CSMD1: variants seen among roughly 807,000 people sequenced by gnomAD.
CSMD1 encodes the protein CUB and Sushi multiple domains 1, also known as CUB and sushi domain-containing protein 1.
In CSMD1, 213 loss-of-function variants were observed where a neutral mutation model predicts 417.5. The ratio of observed to expected loss-of-function variants is 0.51; its 90% CI spans 0.46 to 0.57. The LOEUF (loss-of-function observed/expected upper bound fraction) is 0.57, where lower values mean the gene tolerates loss of function less well. Ranked by LOEUF, CSMD1 falls within the 20% of genes least tolerant of loss-of-function variation. The pLI is 0.00. For missense variants in CSMD1, 6,923 were observed against 4,529.7 expected, an observed-to-expected ratio of 1.53 and a Z score of -15.17; for synonymous variants, 2,862 against 1,736.8, an observed-to-expected ratio of 1.65 and a Z score of -16.11.
intron 5 of CSMD1, among the ~76,000 whole-genome samples, chr8:3,907,152 T>C (rs533525133): frequency 8.2e-4 from 125 of 152,340 alleles, no homozygotes; most frequent in African/African-American, 2.9e-3. Context: ...TGTTACGTTG[T>C]GTATTACTTT....
chr8:4,068,083 AAAG>A (rs1262720268), intron 3 of CSMD1, among the ~76,000 whole-genome samples: 1 of 152,058 alleles, frequency 6.6e-6, no homozygotes, highest in Non-Finnish European at 1.5e-5. Flanking sequence ...ACGTCTCAAA[AAAG>A]AAAAAAAGAA....
At position 3,394,040 on chromosome 8, in the gene CSMD1, A is replaced by T. The variant is rs1268914342; in HGVS notation, c.2593+2154T>A. Among the ~76,000 whole-genome samples, 10 of 130,470 alleles carry T rather than the reference A, an allele frequency of 7.7e-5. 1 individual carries two copies. Among genetic ancestry groups the T allele is most frequent in the Middle Eastern group, 8.1e-3 (2 of 248 alleles). 85.6% of individuals were successfully genotyped at this position (130,470 alleles called of 152,430 possible). Reference sequence around the variant, plus strand: ...TATATATATATATATATATATATATATATATATATATATATAGAAAAAAAG... The same window carrying T: ...TATATATATATATATATATATATATTTATATATATATATATAGAAAAAAAG... On this transcript the variant is annotated intron_variant, in intron 17 of 69. Coordinates refer to ENST00000635120, the MANE Select transcript of CSMD1 (RefSeq NM_033225.6).
intron 23 of CSMD1, among the ~76,000 whole-genome samples, chr8:3,342,780 T>C (rs769910425): frequency 2.0e-4 from 31 of 152,184 alleles, no homozygotes; most frequent in Non-Finnish European, 3.7e-4. Context: ...GTATTCCTCT[T>C]AGTTCTCTCG....
At chr8:4,667,596 G>C (rs1320785245) in intron 1 of CSMD1, among the ~76,000 whole-genome samples, 1 of 151,958 alleles carries the variant, frequency 6.6e-6, no homozygotes, top group East Asian at 1.9e-4. Context: ...GATTGTCCCT[G>C]AGTACTTTAT....
At chr8:4,135,625 G>A (rs567863330) in intron 3 of CSMD1, among the ~76,000 whole-genome samples, 197 of 152,222 alleles carry the variant, frequency 1.3e-3, no homozygotes, top group African/African-American at 4.5e-3. Flanking sequence ...ACTGTTAATA[G>A]TTCAAAGATG....
intron 1 of CSMD1, among the ~76,000 whole-genome samples, chr8:4,875,142 A>G (rs1376365930): frequency 6.6e-6 from 1 of 151,876 alleles, no homozygotes; most frequent in South Asian, 2.1e-4. Flanking sequence ...ATGGTAAGGT[A>G]GTATGTGCTC....
intron 5 of CSMD1, among the ~76,000 whole-genome samples, chr8:3,881,197 A>G (rs1806181012): frequency 6.6e-6 from 1 of 151,954 alleles, no homozygotes; most frequent in African/African-American, 2.4e-5. Flanking sequence ...TTCTCTACAA[A>G]TGTATTATAT....
chr8:3,674,007 A>C (rs1295990736), intron 7 of CSMD1, among the ~76,000 whole-genome samples: 2 of 152,176 alleles, frequency 1.3e-5, no homozygotes, highest in Non-Finnish European at 1.5e-5. Context: ...GGTCCCAGCC[A>C]CTGTGGGAGA....
intron 5 of CSMD1, among the ~76,000 whole-genome samples, chr8:3,981,792 A>G (rs1813891688): frequency 6.6e-6 from 1 of 152,160 alleles, no homozygotes; most frequent in South Asian, 2.1e-4. Context: ...AAGTCAAGAG[A>G]AGAGGCAGTT....
Position 2,961,147 on chromosome 8 carries a change from G to T in CSMD1, c.9696C>A (p.Gly3232=), listed in dbSNP as rs1187800604. The change falls in exon 62 of 70, where the codon GGC becomes GGA. Residue 3232 remains glycine, a synonymous_variant. Transcript: ENST00000635120. ...PHFGIQNSSR[G]YEVGSTVFFR... ...TAAATTCATAATGAACTACCTCATA[G>T]CCTCTGGAGCTATTCTGTATTCCAA... 1.9e-6 allele frequency: 3 copies of T among 1,576,866 alleles called. No individual in the cohort carries two copies. Among genetic ancestry groups the T allele is most frequent in the Non-Finnish European group, 2.6e-6 (3 of 1,154,654 alleles).
rs575158361 is a variant in CSMD1 at position 4,078,754 on chromosome 8, G to A, written c.416-46655C>T. 8.6e-4 allele frequency among the ~76,000 whole-genome samples: 130 copies of A among 150,350 alleles called. 3 individuals are homozygous for A. Among genetic ancestry groups the A allele is most frequent in the African/African-American group, 3.1e-3 (128 of 40,800 alleles). Reference sequence around the variant, plus strand: ...AGGCAACCCTTGTATTTAAATTTCAGGCCTGGCACACTGGCTTACACCTGT... The same window carrying A: ...AGGCAACCCTTGTATTTAAATTTCAAGCCTGGCACACTGGCTTACACCTGT... On this transcript the variant is annotated intron_variant, in intron 3 of 69. Coordinates refer to ENST00000635120, the MANE Select transcript of CSMD1 (RefSeq NM_033225.6).
chr8:4,868,493 C>T (rs1802546846), intron 1 of CSMD1, among the ~76,000 whole-genome samples: 1 of 151,946 alleles, frequency 6.6e-6, no homozygotes, highest in African/African-American at 2.4e-5. Context: ...GCCTCGGTCT[C>T]CCAAAGTGCT....
chr8:3,794,487 G>C (rs181941049), intron 5 of CSMD1, among the ~76,000 whole-genome samples: 10 of 152,118 alleles, frequency 6.6e-5, no homozygotes, highest in East Asian at 3.9e-4. Context: ...GTTTTTCATA[G>C]CTACTCTCTG....
At chr8:4,146,470 G>C (rs1804132393) in intron 3 of CSMD1, among the ~76,000 whole-genome samples, 1 of 150,474 alleles carries the variant, frequency 6.6e-6, no homozygotes, top group South Asian at 2.1e-4. Context: ...TAACAATGTT[G>C]AAAAGGCTGT....
chr8:3,307,383 C>A (rs909530278), intron 25 of CSMD1, among the ~76,000 whole-genome samples: 1 of 148,866 alleles, frequency 6.7e-6, no homozygotes, highest in African/African-American at 2.5e-5. Context: ...TCACGCAGAT[C>A]AGAACAGCCC....
intron 2 of CSMD1, among the ~76,000 whole-genome samples, chr8:4,499,561 A>C (rs1802149264): frequency 6.6e-6 from 1 of 152,252 alleles, no homozygotes; most frequent in Non-Finnish European, 1.5e-5. Context: ...ATAACATATA[A>C]GAGGGCAATA....
At chr8:3,141,927 A>G (rs968117227) in intron 41 of CSMD1, among the ~76,000 whole-genome samples, 5 of 151,526 alleles carry the variant, frequency 3.3e-5, no homozygotes, top group African/African-American at 7.3e-5. Flanking sequence ...CCTCCCGAGT[A>G]GCTGGGACTA....
chr8:3,929,402 T>C (rs1174176390), intron 5 of CSMD1, among the ~76,000 whole-genome samples: 1 of 150,458 alleles, frequency 6.6e-6, no homozygotes, highest in East Asian at 1.9e-4. Context: ...AGGGTGACAA[T>C]GTAATTTCAA....
intron 1 of CSMD1, among the ~76,000 whole-genome samples, chr8:4,828,355 T>C (rs1799952536): frequency 6.6e-6 from 1 of 152,134 alleles, no homozygotes; most frequent in South Asian, 2.1e-4. Context: ...ATAAGCCCAA[T>C]TGTTGACCTG....
Sources: gnomAD v4.1 joint callset for allele counts (sites outside exome capture counted in the v4.1 genomes callset) on GRCh38, gnomAD v4.1.1 for gene constraint, MANE v1.5 for transcripts, NCBI Gene and HGNC (gene_info 2026-07-23, HGNC 2026-07-21) for gene names.